The following ADCY2 variants were observed in gnomAD, a reference collection of about 807,000 sequenced individuals.
ADCY2 encodes adenylate cyclase type 2.
A neutral mutation model predicts 125.2 loss-of-function variants in ADCY2; 31 were observed. That is an observed-to-expected ratio of 0.25 (90% CI 0.19 to 0.33). The LOEUF is 0.33. ADCY2 is among the 10% of genes least tolerant of loss of function. The pLI is 1.00. For synonymous variants in ADCY2, 512 were observed against 548.4 expected, an observed-to-expected ratio of 0.93 and a Z score of 0.93; for missense variants, 904 against 1,418.2, an observed-to-expected ratio of 0.64 and a Z score of 5.82.
chr5:7,451,172 T>G (rs1233210328), intron 2 of ADCY2, among the ~76,000 whole-genome samples: 7 of 152,208 alleles, frequency 4.6e-5, no homozygotes, highest in African/African-American at 7.2e-5. Flanking sequence ...AGGCTATAGA[T>G]GCCATAGACA....
At chr5:7,558,027 G>GTTGTT (rs931083044) in intron 3 of ADCY2, among the ~76,000 whole-genome samples, 1 of 151,398 alleles carries the variant, frequency 6.6e-6, no homozygotes, top group East Asian at 1.9e-4. Context: ...ACCAGCATCT[G>GTTGTT]TTGTTTTGTT....
chr5:7,424,327 A>T lies in ADCY2; in HGVS notation c.408+9557A>T, dbSNP rs533426802. On this transcript the variant is annotated intron_variant, in intron 2 of 24. Transcript: ENST00000338316. ...ATCTGTATAACCCTGTGAGGTAAAT[A>T]CTATTATCACTTGCATCTTGCTGAT... 5.9e-5 allele frequency among the ~76,000 whole-genome samples: 9 copies of T among 152,366 alleles called. No individual in the cohort carries two copies. In the East Asian group the frequency reaches 1.7e-3, roughly 29 times the overall value.
chr5:7,464,692 T>C (rs1742040042), intron 2 of ADCY2, among the ~76,000 whole-genome samples: 1 of 152,108 alleles, frequency 6.6e-6, no homozygotes, highest in African/African-American at 2.4e-5. Flanking sequence ...GAACATTGGA[T>C]GTGAAGGAGT....
chr5:7,766,314 A>G (rs1024749311), intron 16 of ADCY2, among the ~76,000 whole-genome samples: 1 of 152,204 alleles, frequency 6.6e-6, no homozygotes, highest in Non-Finnish European at 1.5e-5. Context: ...CTGGGGGGAA[A>G]AAAGCATTCC....
intron 15 of ADCY2, among the ~76,000 whole-genome samples, chr5:7,747,400 C>T (rs1365887370): frequency 6.6e-6 from 1 of 152,142 alleles, no homozygotes; most frequent in African/African-American, 2.4e-5. Context: ...TTATGGGGTC[C>T]TTTCTTACTT....
rs1745556154 is a variant in ADCY2 at position 7,828,503 on chromosome 5, T to C, written c.*1632T>C. 6.6e-6 allele frequency: 1 copy of C among 152,272 alleles called. No individual in the cohort carries two copies. Among genetic ancestry groups the C allele is most frequent in the Non-Finnish European group, 1.5e-5 (1 of 68,044 alleles). The allele number at this position is 152,272 out of a possible 1,614,324, so 9.4% of individuals were successfully genotyped here. ...ACATTCACAGCACGGGCACAGCTGC[T>C]GTGCCAGGACTGTGACTCATTCCCA... On this transcript the variant is annotated 3_prime_UTR_variant, in exon 25 of 25. Coordinates refer to ENST00000338316, the MANE Select transcript of ADCY2 (RefSeq NM_020546.3).
chr5:7,457,773 C>T (rs1741748754), intron 2 of ADCY2, among the ~76,000 whole-genome samples: 1 of 152,180 alleles, frequency 6.6e-6, no homozygotes. Context: ...AACGCTTCCT[C>T]ATTTTTCTCT....
At chr5:7,781,185 G>C (rs1743912525) in intron 18 of ADCY2, among the ~76,000 whole-genome samples, 1 of 152,176 alleles carries the variant, frequency 6.6e-6, no homozygotes, top group Non-Finnish European at 1.5e-5. Context: ...AGGAGAGAGA[G>C]AGAAAGAGAG....
At chr5:7,666,681 G>A (rs1003551562) in intron 4 of ADCY2, among the ~76,000 whole-genome samples, 4 of 152,180 alleles carry the variant, frequency 2.6e-5, no homozygotes, top group Non-Finnish European at 5.9e-5. Context: ...CCATTATCTG[G>A]TTCTAAATGC....
intron 15 of ADCY2, among the ~76,000 whole-genome samples, chr5:7,754,383 T>C (rs1209114767): frequency 6.6e-6 from 1 of 152,258 alleles, no homozygotes; most frequent in Non-Finnish European, 1.5e-5. Flanking sequence ...CTTAGCTAGA[T>C]GTACATTTTC....
At chr5:7,570,224 CAT>C (rs1579583906) in intron 3 of ADCY2, among the ~76,000 whole-genome samples, 1 of 152,136 alleles carries the variant, frequency 6.6e-6, no homozygotes, top group East Asian at 1.9e-4. Flanking sequence ...AAAATGAAAA[CAT>C]AGAAAATCTT....
intron 19 of ADCY2, among the ~76,000 whole-genome samples, chr5:7,788,325 G>A (rs1029577344): frequency 6.6e-5 from 10 of 152,030 alleles, no homozygotes; most frequent in East Asian, 1.9e-4. Context: ...GATTACAGGC[G>A]CGCACAACCA....
intron 16 of ADCY2, among the ~76,000 whole-genome samples, chr5:7,760,091 G>A (rs1743145429): frequency 6.6e-6 from 1 of 152,238 alleles, no homozygotes; most frequent in South Asian, 2.1e-4. Flanking sequence ...CTCTGCATAG[G>A]CAATTTCCTG....
Position 7,820,646 on chromosome 5 carries a change from T to G in ADCY2, c.3080T>G (p.Val1027Gly). 1 of 1,614,130 alleles carries G rather than the reference T, an allele frequency of 6.2e-7. No individual in the cohort carries two copies. Among genetic ancestry groups the G allele is most frequent in the Non-Finnish European group, 8.5e-7 (1 of 1,179,980 alleles). Residue 1027 changes from valine (V) to glycine (G), a missense_variant, in exon 24 of 25, where the codon GTG becomes GGG. This residue lies in a region of ADCY2 where 181 missense variants were observed against 381.6 expected (regional missense o/e 0.47). Transcript: ENST00000338316. ...QYDIWGNTVN[V>G]ASRMDSTGVL... ...GATATCTGGGGCAACACTGTCAATGTGGCCAGTAGGATGGACAGCACCGGA... is the reference window on the plus strand; with the variant it reads ...GATATCTGGGGCAACACTGTCAATGGGGCCAGTAGGATGGACAGCACCGGA...
rs563294958 is a variant in ADCY2, at chr5:7,724,144, T to C, written c.1704-401T>C. On this transcript the variant is annotated intron_variant, in intron 12 of 24. Coordinates refer to ENST00000338316, the MANE Select transcript of ADCY2 (RefSeq NM_020546.3). ...AAAAAAAAAAAAAAAAAAAAGGTGC[T>C]TCTCTAGGAACTAGATCCTTAAGGA... Among the ~76,000 whole-genome samples the C allele has an allele frequency of 6.9e-3, 953 of 137,624 alleles. 5 individuals are homozygous for C. Among genetic ancestry groups the C allele is most frequent in the Non-Finnish European group, 0.011 (693 of 64,226 alleles). The allele number at this position is 137,624 out of a possible 152,430, so 90.3% of individuals were successfully genotyped here.
chr5:7,440,125 AAG>A (rs2126396944), intron 2 of ADCY2, among the ~76,000 whole-genome samples: 1 of 152,288 alleles, frequency 6.6e-6, no homozygotes, highest in Admixed American at 6.5e-5. Context: ...GAAAGATGTC[AAG>A]AAGTCCTAGG....
intron 4 of ADCY2, among the ~76,000 whole-genome samples, chr5:7,667,090 C>T (rs1022110735): frequency 1.3e-5 from 2 of 152,096 alleles, no homozygotes; most frequent in Admixed American, 6.5e-5. Context: ...GACTCATGCT[C>T]GGGTAAATAA....
At chr5:7,776,666 C>T (rs928223498) in intron 18 of ADCY2, among the ~76,000 whole-genome samples, 10 of 152,072 alleles carry the variant, frequency 6.6e-5, no homozygotes, top group African/African-American at 1.9e-4. Flanking sequence ...ACATTTGAGT[C>T]GGTGGACTGG....
intron 2 of ADCY2, among the ~76,000 whole-genome samples, chr5:7,428,744 A>G (rs1342915517): frequency 6.6e-6 from 1 of 152,222 alleles, no homozygotes; most frequent in African/African-American, 2.4e-5. Flanking sequence ...GCTAAAAAAC[A>G]GGACAAAATA....
Sources: gnomAD v4.1 joint callset for allele counts (sites outside exome capture counted in the v4.1 genomes callset) on GRCh38, gnomAD v4.1.1 for gene constraint, gnomAD v4.1.1 regional missense constraint, MANE v1.5 for transcripts, NCBI Gene and HGNC (gene_info 2026-07-23, HGNC 2026-07-21) for gene names.